NEMP1: variants seen among roughly 807,000 people sequenced by gnomAD.
NEMP1 encodes the protein nuclear envelope integral membrane protein 1.
Under a neutral mutation model 53.7 loss-of-function variants are expected in NEMP1, and 29 were observed. That is an observed-to-expected ratio of 0.54 (90% CI 0.40 to 0.74). The LOEUF is 0.74. Ranked by LOEUF, NEMP1 falls within the 30% of genes least tolerant of loss-of-function variation. The pLI, the probability that NEMP1 is intolerant of heterozygous loss-of-function variation, is 0.00. For missense variants in NEMP1, 477 were observed against 528.6 expected, an observed-to-expected ratio of 0.90 and a Z score of 0.96; for synonymous variants, 193 against 192.9, an observed-to-expected ratio of 1.00 and a Z score of 0.00.
chr12:57,064,084 C>T lies in NEMP1; in HGVS notation c.741G>A (p.Trp247Ter). Residue 247 changes from tryptophan to a stop codon, truncating the protein, a stop_gained, in exon 6 of 9, where the codon TGG (tryptophan) becomes TGA (stop). Transcript: ENST00000300128. LOFTEE classifies it high-confidence loss of function. ...GACAACACTTACTTAAAAGATACTGCCAGTAACACCTCCAGATCTCTTGTA... is the reference window on the plus strand; with the variant it reads ...GACAACACTTACTTAAAAGATACTGTCAGTAACACCTCCAGATCTCTTGTA... ...KNLQEIWRCY[W>*]QYLLSYVLTV... The T allele has an allele frequency of 1.3e-6, 2 of 1,597,688 alleles. No individual in the cohort carries two copies. The highest frequency in any genetic ancestry group is 1.7e-6 in the Non-Finnish European group (2 of 1,169,550).
chr12:57,077,830 C>T (rs191573840), intron 1 of NEMP1, among the ~76,000 whole-genome samples: 112 of 152,252 alleles, frequency 7.4e-4, no homozygotes, highest in African/African-American at 2.5e-3. Flanking sequence ...CACCTGTAAT[C>T]CCAGCACTTT....
intron 1 of NEMP1, among the ~76,000 whole-genome samples, chr12:57,076,925 GGC>G (rs2032650049): frequency 7.0e-6 from 1 of 142,432 alleles, no homozygotes; most frequent in South Asian, 2.5e-4. Context: ...CTCCAGCCTG[GGC>G]CAGACAGCAA....
intron 4 of NEMP1, 111 bp from the exon 5 acceptor site, chr12:57,064,850 G>A: frequency 1.4e-6 from 1 of 701,386 alleles, no homozygotes; most frequent in Non-Finnish European, 2.3e-6. Flanking sequence ...CAAGATTAGA[G>A]CAGTACAAGC....
At chr12:57,070,411 G>A (rs548457570) in intron 3 of NEMP1, among the ~76,000 whole-genome samples, 2 of 152,230 alleles carry the variant, frequency 1.3e-5, no homozygotes, top group Non-Finnish European at 2.9e-5. Context: ...GCAGCACAAT[G>A]TAATTGGGAA....
At chr12:57,073,944 C>T (rs2032475499) in intron 1 of NEMP1, among the ~76,000 whole-genome samples, 1 of 151,958 alleles carries the variant, frequency 6.6e-6, no homozygotes, top group Non-Finnish European at 1.5e-5. Flanking sequence ...CTGAGTAGAA[C>T]AGAATTGGCA....
intron 5 of NEMP1, 78 bp from the exon 6 acceptor site, chr12:57,064,263 A>AT (rs947155137): frequency 3.9e-3 from 3,299 of 836,464 alleles, no homozygotes; most frequent in South Asian, 4.7e-3. Flanking sequence ...TGGAACTATG[A>AT]TTTTTTTTTT....
intron 1 of NEMP1, among the ~76,000 whole-genome samples, chr12:57,086,010 A>T (rs1190171084): frequency 1.3e-5 from 2 of 152,190 alleles, no homozygotes; most frequent in Non-Finnish European, 2.9e-5. Context: ...CTATAATTGG[A>T]AATGTGTACA....
At chr12:57,061,012 C>T in intron 7 of NEMP1, 67 bp from the exon 8 acceptor site, 1 of 1,522,876 alleles carries the variant, frequency 6.6e-7, no homozygotes, top group South Asian at 1.3e-5. Flanking sequence ...ACTTCTAGCT[C>T]CCTTCAGTGG....
upstream of NEMP1, among the ~76,000 whole-genome samples, chr12:57,082,037 T>C (rs562447872): frequency 1.4e-3 from 209 of 151,678 alleles, 1 homozygote; most frequent in Non-Finnish European, 2.4e-3. Flanking sequence ...GCCACCATAG[T>C]GAAACCCCGT....
chr12:57,065,229 A>G (rs2032014679), intron 4 of NEMP1, among the ~76,000 whole-genome samples: 1 of 152,150 alleles, frequency 6.6e-6, no homozygotes, highest in African/African-American at 2.4e-5. Context: ...CATCCTTTCA[A>G]TGAAGATTTC....
At chr12:57,081,901 C>T (rs1180349354), upstream of NEMP1, among the ~76,000 whole-genome samples, 6 of 146,026 alleles carry the variant, frequency 4.1e-5, no homozygotes, top group South Asian at 2.2e-4. Context: ...AGCAAGACTC[C>T]GTCTCAAAAA....
chr12:57,059,894 G>C lies in NEMP1; in HGVS notation c.1320C>G (p.Asn440Lys). ...TGACCACTACCTAGGTTAGAAAGTT[G>C]TTCTGTGTGATAGCAGGACACCGAG... ...SYSRCPAITQ[N>K]NFLT The change falls in exon 9 of 9, where the codon AAC (asparagine) becomes AAG (lysine). Residue 440 changes from asparagine to lysine, a missense_variant. By Grantham distance (94) the Asn-to-Lys change is moderately conservative. Transcript: ENST00000300128. 1 of 1,613,450 alleles carries C rather than the reference G, an allele frequency of 6.2e-7. No individual in the cohort carries two copies. Among genetic ancestry groups the C allele is most frequent in the Non-Finnish European group, 8.5e-7 (1 of 1,179,794 alleles).
At chr12:57,067,924 C>G (rs538238060) in intron 4 of NEMP1, among the ~76,000 whole-genome samples, 4 of 152,272 alleles carry the variant, frequency 2.6e-5, no homozygotes, top group Non-Finnish European at 5.9e-5. Context: ...CATGCACAAC[C>G]ATGCCTGGCT....
chr12:57,072,007 G>C (rs2032372223), intron 2 of NEMP1, among the ~76,000 whole-genome samples: 1 of 152,178 alleles, frequency 6.6e-6, no homozygotes, highest in Non-Finnish European at 1.5e-5. Context: ...AAATAAATGA[G>C]ACCAAAGTAA....
intron 4 of NEMP1, among the ~76,000 whole-genome samples, chr12:57,068,972 T>C (rs943467054): frequency 2.0e-5 from 3 of 152,214 alleles, no homozygotes; most frequent in African/African-American, 7.2e-5. Flanking sequence ...GTGATGATGT[T>C]CCATTTCATT....
rs1474545814 is a variant in NEMP1 at position 57,063,310 on chromosome 12, T to C, written c.789A>G (p.Ala263=). 4 of 1,614,214 alleles carry C rather than the reference T, an allele frequency of 2.5e-6. No individual in the cohort carries two copies. Among genetic ancestry groups the C allele is most frequent in the Non-Finnish European group, 3.4e-6 (4 of 1,180,038 alleles). Residue 263 remains alanine (A), a synonymous_variant, in exon 7 of 9, where the codon GCA becomes GCG. Transcript: ENST00000300128. ...YVLTVGFMSF[A]VCYKYGPLEN... is the part of the protein sequence containing the mutation. ...CCAAGGGCCCATACTTGTAACATAC[T>C]GCAAAACTCATGAATCCAACTGTGA...
upstream of NEMP1, among the ~76,000 whole-genome samples, chr12:57,081,944 C>T (rs2136527406): frequency 6.7e-6 from 1 of 149,576 alleles, no homozygotes; most frequent in South Asian, 2.1e-4. Context: ...GGAGGCTGAG[C>T]ATGGTGGCTC....
At chr12:57,088,608 G>T (rs569215498), upstream of NEMP1, among the ~76,000 whole-genome samples, 4 of 152,304 alleles carry the variant, frequency 2.6e-5, no homozygotes, top group African/African-American at 9.6e-5. Flanking sequence ...GTGCGCTTCT[G>T]TGTCTTTGTG....
chr12:57,067,663 T>C (rs936436442), intron 4 of NEMP1, among the ~76,000 whole-genome samples: 10 of 152,336 alleles, frequency 6.6e-5, no homozygotes, highest in African/African-American at 2.4e-4. Context: ...CAGAGAACTG[T>C]AGAGACTGAT....
Sources: gnomAD v4.1 joint callset for allele counts (sites outside exome capture counted in the v4.1 genomes callset) on GRCh38, gnomAD v4.1.1 for gene constraint, MANE v1.5 for transcripts, NCBI Gene and HGNC (gene_info 2026-07-23, HGNC 2026-07-21) for gene names.